The following RABGAP1L variants were observed in gnomAD, a reference collection of about 807,000 sequenced individuals.
RABGAP1L encodes the protein rab GTPase-activating protein 1-like.
A neutral mutation model predicts 137.7 loss-of-function variants in RABGAP1L; 63 were observed. That is an observed-to-expected ratio of 0.46 (90% CI 0.37 to 0.56). RABGAP1L has a LOEUF of 0.56. RABGAP1L is among the 20% of genes least tolerant of loss of function. The pLI is 0.00. For synonymous variants in RABGAP1L, 431 were observed against 433.7 expected (o/e 0.99, Z 0.08); for missense variants, 1,095 against 1,244.0 (o/e 0.88, Z 1.80).
At chr1:174,816,958 T>C (rs1015377173) in intron 19 of RABGAP1L, among the ~76,000 whole-genome samples, 2 of 152,106 alleles carry the variant, frequency 1.3e-5, no homozygotes, top group African/African-American at 4.8e-5. Flanking sequence ...CTCGATCTCC[T>C]GATCTCATGA....
rs140873594 is a variant in RABGAP1L at position 174,888,971 on chromosome 1, A to G, written c.2341-68486A>G. On this transcript the variant is annotated intron_variant, in intron 19 of 25. Transcript: ENST00000681986. ...AATACATTCATGTGTGTGTGTATGC[A>G]TAAGATATGGAATTTATTTTTAAAT... 9.2e-5 allele frequency among the ~76,000 whole-genome samples: 14 copies of G among 152,318 alleles called. No homozygotes were observed. The East Asian group carries it at 2.7e-3, about 29-fold the overall frequency.
At chr1:174,226,150 A>T (rs1247957621) in intron 3 of RABGAP1L, among the ~76,000 whole-genome samples, 1 of 152,174 alleles carries the variant, frequency 6.6e-6, no homozygotes, top group Non-Finnish European at 1.5e-5. Flanking sequence ...CTATTCTGCA[A>T]CTCGGACCAC....
At chr1:174,348,913 C>T (rs1013556421) in intron 11 of RABGAP1L, among the ~76,000 whole-genome samples, 291 of 151,760 alleles carry the variant, frequency 1.9e-3, no homozygotes, top group African/African-American at 4.6e-3. Flanking sequence ...CCGCCTTTCC[C>T]GCCTTTCTAT....
chr1:174,275,973 C>T, intron 9 of RABGAP1L, 38 bp downstream of exon 9: 1 of 1,515,940 alleles, frequency 6.6e-7, no homozygotes, highest in Non-Finnish European at 9.1e-7. Context: ...GTTTGCTTTA[C>T]ATTTTATATT....
chr1:174,976,010 A>G (rs1312661881), intron 21 of RABGAP1L, 68 bp from the exon 22 acceptor site: 5 of 1,381,844 alleles, frequency 3.6e-6, no homozygotes, highest in Non-Finnish European at 5.0e-6. Flanking sequence ...TTTGGAGAAG[A>G]TTTCCACACA....
chr1:174,535,094 A>G (rs895240690), intron 13 of RABGAP1L, among the ~76,000 whole-genome samples: 7 of 152,296 alleles, frequency 4.6e-5, no homozygotes, highest in African/African-American at 1.7e-4. Context: ...TTGACACCAT[A>G]AGGTTAAGTA....
intron 4 of RABGAP1L, among the ~76,000 whole-genome samples, chr1:174,238,524 G>A (rs958625863): frequency 4.6e-5 from 7 of 152,040 alleles, no homozygotes; most frequent in Non-Finnish European, 8.8e-5. Flanking sequence ...GGAATACCCT[G>A]CAGTGTGAGG....
intron 13 of RABGAP1L, among the ~76,000 whole-genome samples, chr1:174,564,427 A>G (rs905460648): frequency 6.6e-6 from 1 of 152,156 alleles, no homozygotes; most frequent in Non-Finnish European, 1.5e-5. Flanking sequence ...GCTTTGTTTA[A>G]TCCTCACAGC....
intron 11 of RABGAP1L, among the ~76,000 whole-genome samples, chr1:174,330,269 G>T (rs1680915693): frequency 6.6e-6 from 1 of 152,076 alleles, no homozygotes; most frequent in South Asian, 2.1e-4. Flanking sequence ...GAAACTATTT[G>T]AAAAATCAAG....
At chr1:174,895,591 A>C (rs1458366822) in intron 19 of RABGAP1L, among the ~76,000 whole-genome samples, 20 of 139,544 alleles carry the variant, frequency 1.4e-4, no homozygotes, top group East Asian at 4.3e-4. Context: ...ATCCCTCCCC[A>C]CTCCCCCCAC....
intron 14 of RABGAP1L, among the ~76,000 whole-genome samples, chr1:174,648,285 A>C (rs1675163483): frequency 6.6e-6 from 1 of 151,688 alleles, no homozygotes; most frequent in African/African-American, 2.4e-5. Flanking sequence ...TAGTTCTTTT[A>C]ATTGTGATGT....
chr1:174,365,062 A>G (rs575937473), intron 11 of RABGAP1L, among the ~76,000 whole-genome samples: 3 of 152,184 alleles, frequency 2.0e-5, no homozygotes, highest in Non-Finnish European at 2.9e-5. Flanking sequence ...AGAAGGAGAC[A>G]CTTTCATGCT....
At chr1:174,576,298 G>A (rs991067621) in intron 13 of RABGAP1L, among the ~76,000 whole-genome samples, 7 of 152,082 alleles carry the variant, frequency 4.6e-5, no homozygotes, top group Admixed American at 2.6e-4. Context: ...ATGAACAGGC[G>A]CCCCTCATGC....
At chr1:174,600,914 A>G (rs1002207252) in intron 13 of RABGAP1L, among the ~76,000 whole-genome samples, 17 of 152,136 alleles carry the variant, frequency 1.1e-4, no homozygotes, top group African/African-American at 4.1e-4. Flanking sequence ...TTGACTCCAC[A>G]TTTCCCTTCC....
chr1:174,641,692 G>A (rs1292896330), intron 14 of RABGAP1L, among the ~76,000 whole-genome samples: 2 of 152,170 alleles, frequency 1.3e-5, no homozygotes, highest in African/African-American at 2.4e-5. Context: ...TAAAGCACTG[G>A]GCATCAGGAA....
chr1:174,745,810 G>A (rs1243420821), intron 17 of RABGAP1L, among the ~76,000 whole-genome samples: 1 of 152,098 alleles, frequency 6.6e-6, no homozygotes, highest in African/African-American at 2.4e-5. Context: ...TCTCTTCCTA[G>A]GGTGGTATGT....
At chr1:174,462,640 G>A (rs1656819803) in intron 13 of RABGAP1L, among the ~76,000 whole-genome samples, 1 of 152,160 alleles carries the variant, frequency 6.6e-6, no homozygotes, top group African/African-American at 2.4e-5. Flanking sequence ...CACCGAGGTA[G>A]TGAGCATAGT....
At chr1:174,710,065 G>A (rs1477749172) in intron 17 of RABGAP1L, among the ~76,000 whole-genome samples, 1 of 152,186 alleles carries the variant, frequency 6.6e-6, no homozygotes, top group Admixed American at 6.5e-5. Context: ...AAGGATATCA[G>A]CGATTGAAGA....
At chr1:174,699,027 C>G (rs1023868004) in intron 15 of RABGAP1L, among the ~76,000 whole-genome samples, 1 of 151,546 alleles carries the variant, frequency 6.6e-6, no homozygotes, top group African/African-American at 2.4e-5. Flanking sequence ...CGGGGTCTCG[C>G]TCTGTCACCC....
Sources: gnomAD v4.1 joint callset for allele counts (sites outside exome capture counted in the v4.1 genomes callset) on GRCh38, gnomAD v4.1.1 for gene constraint, MANE v1.5 for transcripts, NCBI Gene and HGNC (gene_info 2026-07-23, HGNC 2026-07-21) for gene names.